Variants in TBX15 observed in about 807,000 individuals in gnomAD.
TBX15 encodes T-box transcription factor TBX15.
A neutral mutation model predicts 53.9 loss-of-function variants in TBX15; 18 were observed. The observed-to-expected ratio is 0.33, with a 90% CI of 0.23 to 0.49. The LOEUF (loss-of-function observed/expected upper bound fraction) is 0.49, where lower values mean the gene tolerates loss of function less well. Among genes scored for constraint, TBX15 ranks in the 20% least tolerant of loss-of-function variants. TBX15 has a pLI of 0.98. For missense variants in TBX15, 692 were observed against 749.5 expected, an observed-to-expected ratio of 0.92 and a Z score of 0.90; for synonymous variants, 295 against 278.0, an observed-to-expected ratio of 1.06 and a Z score of -0.61.
chr1:118,970,799 T>C (rs1657212818), intron 1 of TBX15, among the ~76,000 whole-genome samples: 1 of 152,150 alleles, frequency 6.6e-6, no homozygotes, highest in Non-Finnish European at 1.5e-5. Context: ...GTTTTTCTCC[T>C]TCCTTCTCCT....
Position 118,975,427 on chromosome 1 carries a change from G to A in TBX15, c.205+12164C>T, listed in dbSNP as rs568824061. Among the ~76,000 whole-genome samples the A allele has an allele frequency of 4.6e-5, 7 of 152,314 alleles. No individual in the cohort carries two copies. In the East Asian group the frequency reaches 1.2e-3, roughly 25 times the overall value. The stretch of plus-strand genomic sequence containing the variant: ...TAACAATTTCTGTTTTGGTGACAAC[G>A]TGAGCAGCAAACATAAATTTCCACC... On this transcript the variant is annotated intron_variant, in intron 1 of 7. Transcript: ENST00000369429.
Position 118,987,943 on chromosome 1 carries a change from C to T in TBX15, c.-148G>A. On this transcript the variant is annotated 5_prime_UTR_variant, in exon 1 of 8. The change creates a new upstream start codon in the 5' untranslated region. Coordinates refer to ENST00000369429, the MANE Select transcript of TBX15 (RefSeq NM_001330677.2). ...AGACTGCGGCTCGCGGGTCTCTCCA[C>T]CCTCCCCCTGCGTCCTCCTCCGCCC... 1 of 955,994 alleles carries T rather than the reference C, an allele frequency of 1.0e-6. No individual in the cohort carries two copies. The highest frequency in any genetic ancestry group is 1.5e-6 in the Non-Finnish European group (1 of 652,334). 59.2% of individuals were successfully genotyped at this position (955,994 alleles called of 1,614,324 possible).
chr1:118,899,505 A>G (rs567759764), intron 6 of TBX15, among the ~76,000 whole-genome samples: 1 of 152,198 alleles, frequency 6.6e-6, no homozygotes. Context: ...CAATGTCGTC[A>G]TCATTACCAC....
chr1:118,954,751 T>A (rs1481294659), intron 1 of TBX15, among the ~76,000 whole-genome samples: 1 of 152,216 alleles, frequency 6.6e-6, no homozygotes, highest in Non-Finnish European at 1.5e-5. Context: ...CTGGGATTAA[T>A]AACTCAACCC....
At chr1:118,968,946 T>C (rs184402159) in intron 1 of TBX15, among the ~76,000 whole-genome samples, 1 of 152,252 alleles carries the variant, frequency 6.6e-6, no homozygotes, top group East Asian at 1.9e-4. Flanking sequence ...TGGTTGGGAT[T>C]AGAAAGTAGG....
At position 118,884,248 on chromosome 1, in the gene TBX15, T is replaced by G; in HGVS notation, c.*484A>C. ...GACAAATTCTTGGTGAAAGCACCCA[T>G]TCTGGGCCTCCCTCCACAGAGTTCA... is the stretch of plus-strand genomic sequence containing the variant. On this transcript the variant is annotated 3_prime_UTR_variant, in exon 8 of 8. Coordinates refer to ENST00000369429, the MANE Select transcript of TBX15 (RefSeq NM_001330677.2). The G allele has an allele frequency of 1.2e-5, 2 of 172,050 alleles. No individual in the cohort carries two copies. 10.7% of individuals were successfully genotyped at this position (172,050 alleles called of 1,614,324 possible). A position where few individuals can be genotyped will look rare whatever the true frequency, so the allele number is the denominator to read the frequency against.
intron 7 of TBX15, among the ~76,000 whole-genome samples, chr1:118,889,802 T>A (rs372431363): frequency 1.7e-4 from 25 of 148,214 alleles, no homozygotes; most frequent in Admixed American, 4.0e-4. Context: ...GGCATTAATT[T>A]AAAAAAAAAA....
intron 6 of TBX15, among the ~76,000 whole-genome samples, chr1:118,908,270 C>G (rs886787410): frequency 6.6e-6 from 1 of 150,856 alleles, no homozygotes; most frequent in African/African-American, 2.4e-5. Context: ...TTCCTGGCAC[C>G]ATGGAAAAAA....
chr1:118,978,828 C>A (rs948929449), intron 1 of TBX15, among the ~76,000 whole-genome samples: 35 of 152,136 alleles, frequency 2.3e-4, no homozygotes, highest in Non-Finnish European at 4.7e-4. Context: ...CCCCTCCCAC[C>A]CTTTGATGCC....
intron 7 of TBX15, among the ~76,000 whole-genome samples, chr1:118,897,041 T>C: frequency 6.6e-6 from 1 of 152,210 alleles, no homozygotes; most frequent in East Asian, 1.9e-4. Context: ...CTGAAGCGTT[T>C]TGAAAGTTCA....
At position 118,960,578 on chromosome 1, in the gene TBX15, G is replaced by A. The variant is rs548707271; in HGVS notation, c.205+27013C>T. ...ATACAACACAATTGAGCGACCAGGA[G>A]GCCAAACTGGACAATGAGAGGAATG... On this transcript the variant is annotated intron_variant, in intron 1 of 7. Transcript: ENST00000369429. 1.2e-4 allele frequency among the ~76,000 whole-genome samples: 19 copies of A among 152,326 alleles called. 1 individual carries two copies. In the South Asian group the frequency reaches 3.5e-3, roughly 28 times the overall value.
intron 1 of TBX15, among the ~76,000 whole-genome samples, chr1:118,952,920 G>A (rs1256674834): frequency 6.6e-6 from 1 of 152,106 alleles, no homozygotes; most frequent in African/African-American, 2.4e-5. Context: ...AGCACTTGAA[G>A]GAATGGTGCA....
intron 1 of TBX15, among the ~76,000 whole-genome samples, chr1:118,947,314 T>C (rs764471265): frequency 6.6e-6 from 1 of 152,244 alleles, no homozygotes; most frequent in Non-Finnish European, 1.5e-5. Context: ...TACCACACTG[T>C]GACACTGAAG....
At chr1:118,980,108 C>A (rs936400491) in intron 1 of TBX15, among the ~76,000 whole-genome samples, 19 of 152,288 alleles carry the variant, frequency 1.2e-4, no homozygotes, top group African/African-American at 4.6e-4. Context: ...CCTTCTGCGG[C>A]GAAACGGGAT....
chr1:118,984,412 G>C (rs1657750366), intron 1 of TBX15, among the ~76,000 whole-genome samples: 1 of 152,250 alleles, frequency 6.6e-6, no homozygotes, highest in Admixed American at 6.5e-5. Flanking sequence ...AGATTTTGGC[G>C]GGAAAGGCCC....
rs1653785678 is a variant in TBX15 at position 118,883,258 on chromosome 1, A to T, written c.*1474T>A. On this transcript the variant is annotated 3_prime_UTR_variant, in exon 8 of 8. Coordinates refer to ENST00000369429, the MANE Select transcript of TBX15 (RefSeq NM_001330677.2). Reference sequence around the variant, plus strand: ...CCTCAAAACCAGAAACTTTAATAATATCTGTATTATTTTACTTGGTATTAT... The same window carrying T: ...CCTCAAAACCAGAAACTTTAATAATTTCTGTATTATTTTACTTGGTATTAT... 2 of 152,576 alleles carry T rather than the reference A, an allele frequency of 1.3e-5. No homozygotes were observed. The highest frequency in any genetic ancestry group is 4.1e-4 in the South Asian group (2 of 4,830). 9.5% of individuals were successfully genotyped at this position (152,576 alleles called of 1,614,324 possible). A position where few individuals can be genotyped will look rare whatever the true frequency, so the allele number is the denominator to read the frequency against.
intron 5 of TBX15, among the ~76,000 whole-genome samples, chr1:118,923,004 C>T (rs1655473449): frequency 6.6e-6 from 1 of 151,872 alleles, no homozygotes; most frequent in Non-Finnish European, 1.5e-5. Flanking sequence ...CAGACTCTTA[C>T]TCCCCTTCTT....
Position 118,987,818 on chromosome 1 carries a change from T to A in TBX15, c.-23A>T. 6.5e-7 allele frequency: 1 copy of A among 1,546,802 alleles called. No homozygotes were observed. The highest frequency in any genetic ancestry group is 8.7e-7 in the Non-Finnish European group (1 of 1,145,400). On this transcript the variant is annotated 5_prime_UTR_variant, in exon 1 of 8. Transcript: ENST00000369429. ...CATTTTAGCCGCCCACACCCCTGCC[T>A]CCGCTTGCCCCCGCTACCGAGGGAG... is the stretch of plus-strand genomic sequence containing the variant.
At chr1:118,936,137 T>C (rs934896855) in intron 1 of TBX15, among the ~76,000 whole-genome samples, 2 of 152,300 alleles carry the variant, frequency 1.3e-5, no homozygotes, top group South Asian at 2.1e-4. Context: ...TTAATCCTTA[T>C]GGCACAGCAC....
Sources: allele counts gnomAD v4.1 joint callset (sites outside exome capture counted in the v4.1 genomes callset), GRCh38; gene constraint gnomAD v4.1.1; transcripts MANE v1.5; gene names NCBI Gene and HGNC (gene_info 2026-07-23, HGNC 2026-07-21).